The following ELAVL2 variants were observed in gnomAD, a reference collection of about 807,000 sequenced individuals.
ELAVL2 encodes ELAV-like protein 2.
A neutral mutation model predicts 34.6 loss-of-function variants in ELAVL2; 4 were observed. The observed-to-expected ratio is 0.12, with a 90% CI of 0.06 to 0.26. The LOEUF is 0.26. ELAVL2 is among the 10% of genes least tolerant of loss of function. The probability of loss-of-function intolerance (pLI) is 1.00; values close to 1 mark genes in which losing one functional copy is unlikely to be tolerated. For missense variants in ELAVL2, 432 were observed against 442.8 expected (o/e 0.98, Z 0.22); for synonymous variants, 193 against 154.8 (o/e 1.25, Z -1.83).
At chr9:23,829,100 T>C (rs560210896), upstream of ELAVL2, among the ~76,000 whole-genome samples, 3 of 152,328 alleles carry the variant, frequency 2.0e-5, no homozygotes, top group African/African-American at 7.2e-5. Flanking sequence ...CATTTGAATA[T>C]GATTAAGTTA....
upstream of ELAVL2, among the ~76,000 whole-genome samples, chr9:23,826,901 G>A (rs1343168485): frequency 6.6e-6 from 1 of 151,990 alleles, no homozygotes; most frequent in East Asian, 1.9e-4. Flanking sequence ...TTTAATATAC[G>A]CATATTTCAG....
At chr9:23,745,299 A>C (rs2050222137) in intron 2 of ELAVL2, among the ~76,000 whole-genome samples, 1 of 152,200 alleles carries the variant, frequency 6.6e-6, no homozygotes, top group African/African-American at 2.4e-5. Flanking sequence ...TATAATCTAC[A>C]GCCAAATTAA....
At chr9:23,770,137 T>C (rs886081554) in intron 1 of ELAVL2, among the ~76,000 whole-genome samples, 2 of 152,178 alleles carry the variant, frequency 1.3e-5, no homozygotes, top group African/African-American at 4.8e-5. Flanking sequence ...TGATTTGCTG[T>C]GGATGGTGTG....
intron 3 of ELAVL2, among the ~76,000 whole-genome samples, chr9:23,720,654 A>G (rs2043444405): frequency 6.6e-6 from 1 of 152,324 alleles, no homozygotes; most frequent in South Asian, 2.1e-4. Context: ...CCAGCACTAT[A>G]TTCATTAAAA....
At chr9:23,765,677 C>G (rs35327188) in intron 1 of ELAVL2, among the ~76,000 whole-genome samples, 1 of 152,068 alleles carries the variant, frequency 6.6e-6, no homozygotes, top group Non-Finnish European at 1.5e-5. Context: ...TACAGTCAAA[C>G]GGTTTCTAAC....
At chr9:23,699,468 T>C (rs2036389866) in intron 5 of ELAVL2, among the ~76,000 whole-genome samples, 1 of 152,172 alleles carries the variant, frequency 6.6e-6, no homozygotes, top group Admixed American at 6.5e-5. Context: ...ATTTTATAAC[T>C]TCACAATGTT....
chr9:23,736,688 G>A (rs1208281246), intron 2 of ELAVL2, among the ~76,000 whole-genome samples: 2 of 152,108 alleles, frequency 1.3e-5, no homozygotes, highest in African/African-American at 4.8e-5. Context: ...GTTAGCATTG[G>A]TTCTCTATTA....
chr9:23,709,140 C>T (rs1293383562), intron 3 of ELAVL2, among the ~76,000 whole-genome samples: 1 of 152,144 alleles, frequency 6.6e-6, no homozygotes, highest in Non-Finnish European at 1.5e-5. Flanking sequence ...TCCTTCCTCC[C>T]AGACCAAGGC....
At chr9:23,802,873 ATTTT>A (rs1034608798) in intron 1 of ELAVL2, among the ~76,000 whole-genome samples, 1 of 152,158 alleles carries the variant, frequency 6.6e-6, no homozygotes, top group Non-Finnish European at 1.5e-5. Context: ...CTTTAAAAAT[ATTTT>A]TTAATATGTA....
intron 5 of ELAVL2, among the ~76,000 whole-genome samples, chr9:23,697,995 A>G (rs1379136234): frequency 6.6e-6 from 1 of 152,152 alleles, no homozygotes; most frequent in African/African-American, 2.4e-5. Context: ...AAAGAGGAAA[A>G]GTATTCAAGG....
At chr9:23,740,165 A>T (rs1371233995) in intron 2 of ELAVL2, among the ~76,000 whole-genome samples, 1 of 152,170 alleles carries the variant, frequency 6.6e-6, no homozygotes, top group Admixed American at 6.5e-5. Flanking sequence ...TGTCGGGGAA[A>T]AATGCCCATT....
chr9:23,715,298 G>A (rs1255223586), intron 3 of ELAVL2, among the ~76,000 whole-genome samples: 1 of 152,116 alleles, frequency 6.6e-6, no homozygotes. Flanking sequence ...ACAGGCGCCC[G>A]CCACCACGCC....
rs781736838 is a variant in ELAVL2 at position 23,704,931 on chromosome 9, G to C, written c.474C>G (p.Val158=). 32 of 1,614,032 alleles carry C rather than the reference G, an allele frequency of 2.0e-5. No homozygotes were observed. In the East Asian group the frequency reaches 6.2e-4, roughly 31 times the overall value. The change falls in exon 4 of 7, where the codon GTC becomes GTG. Residue 158 remains valine (V), a synonymous_variant. Transcript: ENST00000397312. Reference sequence around the variant, plus strand: ...CTGTCTACTTACCAGTGACCTGGTCGACAAGAATACGAGAAGTAATAATGC... The same window carrying C: ...CTGTCTACTTACCAGTGACCTGGTCCACAAGAATACGAGAAGTAATAATGC... ...YGRIITSRIL[V]DQVTGISRGV...
At chr9:23,751,915 T>C (rs2052160269) in intron 2 of ELAVL2, among the ~76,000 whole-genome samples, 1 of 152,202 alleles carries the variant, frequency 6.6e-6, no homozygotes, top group South Asian at 2.1e-4. Context: ...GGCTCCCAAG[T>C]CCTGCCTCGC....
At chr9:23,793,160 G>A (rs1029020819) in intron 1 of ELAVL2, among the ~76,000 whole-genome samples, 4 of 152,146 alleles carry the variant, frequency 2.6e-5, no homozygotes, top group African/African-American at 9.7e-5. Context: ...GCAGCTGGAA[G>A]AAAGAAGTTC....
chr9:23,703,753 G>C (rs1385282941), intron 4 of ELAVL2, among the ~76,000 whole-genome samples: 1 of 151,942 alleles, frequency 6.6e-6, no homozygotes, highest in African/African-American at 2.4e-5. Context: ...ACGGGTGGCG[G>C]GGAGAGAAAC....
Position 23,705,096 on chromosome 9 carries a change from T to A in ELAVL2, c.334-25A>T, listed in dbSNP as rs766261753. ...CCTGGAAAAGGAAAATAAAATTAAATGTATATGCATGCTCACTCACCCACC... is the reference window on the plus strand; with the variant it reads ...CCTGGAAAAGGAAAATAAAATTAAAAGTATATGCATGCTCACTCACCCACC... On this transcript the variant is annotated intron_variant, in intron 3 of 6. Coordinates refer to ENST00000397312, the MANE Select transcript of ELAVL2 (RefSeq NM_004432.5). 5.6e-6 allele frequency: 9 copies of A among 1,613,026 alleles called. No individual in the cohort carries two copies. In the Admixed American group the frequency reaches 8.3e-5, roughly 15 times the overall value.
At chr9:23,846,609 G>A in the ELAVL2 span, among the ~76,000 whole-genome samples, 1 of 152,006 alleles carries the variant, frequency 6.6e-6, no homozygotes, top group Admixed American at 6.6e-5. Context: ...CACTATAACT[G>A]AGTTAATTTT....
rs138320130 is a variant in ELAVL2, at chr9:23,712,398, C to T, written c.334-7327G>A. ...TATTCCTAGAAAATAAGAACCTTAG[C>T]TTTGCTACATAGAATATTTTCTTGT... On this transcript the variant is annotated intron_variant, in intron 3 of 6. Transcript: ENST00000397312. Among the ~76,000 whole-genome samples the T allele has an allele frequency of 1.0e-3, 154 of 152,184 alleles. No homozygotes were observed. The Middle Eastern group carries it at 0.014, about 13-fold the overall frequency.
Sources: allele counts gnomAD v4.1 joint callset (sites outside exome capture counted in the v4.1 genomes callset), GRCh38; gene constraint gnomAD v4.1.1; transcripts MANE v1.5; gene names NCBI Gene and HGNC (gene_info 2026-07-23, HGNC 2026-07-21).